The following PRKN variants were observed in gnomAD, a reference collection of about 807,000 sequenced individuals.
PRKN encodes E3 ubiquitin-protein ligase parkin.
A neutral mutation model predicts 59.5 loss-of-function variants in PRKN; 56 were observed. That is an observed-to-expected ratio of 0.94 (90% CI 0.76 to 1.18). The LOEUF is 1.18. PRKN is among the 50% of genes most tolerant of loss of function. PRKN has a pLI of 0.00. For missense variants in PRKN, 657 were observed against 596.4 expected (o/e 1.10, Z -1.06); for synonymous variants, 250 against 222.1 (o/e 1.13, Z -1.12).
chr6:161,651,586 A>G (rs1343702655), intron 7 of PRKN, among the ~76,000 whole-genome samples: 1 of 152,188 alleles, frequency 6.6e-6, no homozygotes, highest in Non-Finnish European at 1.5e-5. Context: ...GGCTGTGAGT[A>G]GCATAAGAAA....
chr6:162,694,349 T>C (rs1424865777), intron 1 of PRKN, among the ~76,000 whole-genome samples: 1 of 151,792 alleles, frequency 6.6e-6, no homozygotes, highest in African/African-American at 2.4e-5. Flanking sequence ...ATGGCAGAGA[T>C]AGCAGTGATA....
chr6:162,100,308 G>T (rs900455895), intron 4 of PRKN, among the ~76,000 whole-genome samples: 1 of 152,028 alleles, frequency 6.6e-6, no homozygotes, highest in Non-Finnish European at 1.5e-5. Context: ...GAGACCACTG[G>T]GTCATATGAC....
intron 4 of PRKN, among the ~76,000 whole-genome samples, chr6:162,141,148 A>G (rs1362818133): frequency 6.9e-6 from 1 of 145,496 alleles, no homozygotes; most frequent in Non-Finnish European, 1.5e-5. Flanking sequence ...ATAAATAAAT[A>G]AATAAAAATA....
chr6:161,588,069 G>A lies in PRKN; in HGVS notation c.872-18653C>T, dbSNP rs1005157721. ...ATTAATAAGACCATGTCAATAGAGC[G>A]TTAATTATTAGGATTAAAAATTTAC... On this transcript the variant is annotated intron_variant, in intron 7 of 11. Coordinates refer to ENST00000366898, the MANE Select transcript of PRKN (RefSeq NM_004562.3). This position sits in a 1 kb window ranked among gnomAD's most constrained non-coding sequence, Gnocchi z 5.0. Among the ~76,000 whole-genome samples, 12 of 152,260 alleles carry A rather than the reference G, an allele frequency of 7.9e-5. No homozygotes were observed. The highest frequency in any genetic ancestry group is 7.7e-4 in the East Asian group (4 of 5,178).
At chr6:162,248,570 A>C (rs976833593) in intron 3 of PRKN, among the ~76,000 whole-genome samples, 1 of 152,156 alleles carries the variant, frequency 6.6e-6, no homozygotes, top group Non-Finnish European at 1.5e-5. Flanking sequence ...TTCAAAGAAT[A>C]GACTCTTGGG....
chr6:161,709,030 T>C (rs1422513826), intron 7 of PRKN, among the ~76,000 whole-genome samples: 1 of 152,240 alleles, frequency 6.6e-6, no homozygotes. Flanking sequence ...AAATTGTGTT[T>C]AATTTTAATT....
chr6:162,211,655 A>T (rs1002734510), intron 3 of PRKN, among the ~76,000 whole-genome samples: 10 of 152,308 alleles, frequency 6.6e-5, no homozygotes, highest in Admixed American at 6.5e-4. Context: ...GTTCATCTTC[A>T]ATAGCCAATA....
intron 6 of PRKN, among the ~76,000 whole-genome samples, chr6:161,961,084 C>T (rs1256128498): frequency 6.6e-6 from 1 of 152,168 alleles, no homozygotes; most frequent in Admixed American, 6.6e-5. Flanking sequence ...AATAGTTGGA[C>T]CTTCTCCAGC....
At chr6:162,427,910 G>C (rs1276973003) in intron 2 of PRKN, among the ~76,000 whole-genome samples, 1 of 152,134 alleles carries the variant, frequency 6.6e-6, no homozygotes, top group African/African-American at 2.4e-5. Flanking sequence ...CAGGATAATA[G>C]TTACCTCTGT....
At chr6:161,889,274 A>G (rs1795257789) in intron 6 of PRKN, among the ~76,000 whole-genome samples, 1 of 152,152 alleles carries the variant, frequency 6.6e-6, no homozygotes, top group Non-Finnish European at 1.5e-5. Flanking sequence ...AACAGAGAGA[A>G]ATGGAGACCG....
At chr6:162,531,701 C>T (rs1287521308) in intron 1 of PRKN, among the ~76,000 whole-genome samples, 2 of 152,250 alleles carry the variant, frequency 1.3e-5, no homozygotes, top group East Asian at 3.9e-4. Context: ...TAGGCTCCAG[C>T]TGCATGACTC....
At chr6:162,515,713 C>T (rs1437633619) in intron 1 of PRKN, among the ~76,000 whole-genome samples, 2 of 152,036 alleles carry the variant, frequency 1.3e-5, no homozygotes, top group African/African-American at 4.8e-5. Flanking sequence ...GCTTTCTCTT[C>T]CTATCCCCCA....
intron 6 of PRKN, among the ~76,000 whole-genome samples, chr6:161,833,616 G>GGATGTCC (rs1245635013): frequency 1.3e-5 from 2 of 152,070 alleles, no homozygotes; most frequent in African/African-American, 4.8e-5. Context: ...GACTCCCCTC[G>GGATGTCC]GATGTCCGGG....
chr6:161,704,175 T>C (rs1373263173), intron 7 of PRKN, among the ~76,000 whole-genome samples: 1 of 152,058 alleles, frequency 6.6e-6, no homozygotes, highest in Non-Finnish European at 1.5e-5. Context: ...CATCTTTGTT[T>C]AGTTCAGGGA....
At chr6:162,563,107 C>T (rs1466788752) in intron 1 of PRKN, among the ~76,000 whole-genome samples, 1 of 152,152 alleles carries the variant, frequency 6.6e-6, no homozygotes, top group East Asian at 1.9e-4. Flanking sequence ...TCAAGACCAT[C>T]TTGGCTAAAG....
chr6:162,016,172 T>C (rs1388158801), intron 5 of PRKN, among the ~76,000 whole-genome samples: 2 of 151,994 alleles, frequency 1.3e-5, no homozygotes, highest in African/African-American at 2.4e-5. Flanking sequence ...ACTGAATCCA[T>C]AGCAAAGGCG....
intron 5 of PRKN, among the ~76,000 whole-genome samples, chr6:162,001,097 C>A (rs1269004814): frequency 6.6e-6 from 1 of 151,952 alleles, no homozygotes; most frequent in Non-Finnish European, 1.5e-5. Flanking sequence ...TGACTTTATA[C>A]TTCTATTTCA....
intron 1 of PRKN, among the ~76,000 whole-genome samples, chr6:162,615,734 A>G (rs1036133978): frequency 1.3e-5 from 2 of 152,234 alleles, no homozygotes; most frequent in East Asian, 1.9e-4. Flanking sequence ...GCTTTACAGG[A>G]ACTGAAAAAT....
intron 6 of PRKN, among the ~76,000 whole-genome samples, chr6:161,864,687 C>T (rs181279762): frequency 1.3e-5 from 2 of 152,126 alleles, no homozygotes; most frequent in Admixed American, 6.6e-5. Context: ...GACAGAATCT[C>T]GCACTGTTGC....
Sources: gnomAD v4.1 joint callset for allele counts (sites outside exome capture counted in the v4.1 genomes callset) on GRCh38, gnomAD v4.1.1 for gene constraint, Gnocchi (gnomAD v3.1) non-coding constraint, MANE v1.5 for transcripts, NCBI Gene and HGNC (gene_info 2026-07-23, HGNC 2026-07-21) for gene names.